The following SPINK5 variants were observed in gnomAD, a reference collection of about 807,000 sequenced individuals.
SPINK5 encodes the protein serine peptidase inhibitor Kazal type 5, also known as serine protease inhibitor Kazal-type 5.
In SPINK5, 125 loss-of-function variants were observed where a neutral mutation model predicts 151.8. That is an observed-to-expected ratio of 0.82 (90% CI 0.71 to 0.96). The LOEUF (loss-of-function observed/expected upper bound fraction) is 0.96, where lower values mean the gene tolerates loss of function less well. SPINK5 is among the 40% of genes least tolerant of loss of function. The probability of loss-of-function intolerance (pLI) is 0.00; values close to 1 mark genes in which losing one functional copy is unlikely to be tolerated. For missense variants in SPINK5, 1,194 were observed against 1,291.9 expected, an observed-to-expected ratio of 0.92 and a Z score of 1.16; for synonymous variants, 374 against 395.3, an observed-to-expected ratio of 0.95 and a Z score of 0.64.
chr5:148,073,207 C>T (rs527775243), intron 4 of SPINK5, among the ~76,000 whole-genome samples: 7 of 151,928 alleles, frequency 4.6e-5, no homozygotes, highest in African/African-American at 9.6e-5. Context: ...GGCCCCAACA[C>T]GTAATTAAAA....
chr5:148,114,718 C>T (rs1754040166), intron 21 of SPINK5, among the ~76,000 whole-genome samples: 1 of 152,174 alleles, frequency 6.6e-6, no homozygotes, highest in South Asian at 2.1e-4. Flanking sequence ...CTGGGGTAGA[C>T]CCTGCCAGTA....
intron 25 of SPINK5, 21 bp downstream of exon 25, chr5:148,120,157 G>A (rs770603036): frequency 1.9e-6 from 3 of 1,614,024 alleles, no homozygotes; most frequent in Non-Finnish European, 2.5e-6. Context: ...TTCAAAATGA[G>A]CTTTTGACTG....
chr5:148,136,712 T>C (rs754225660), intron 32 of SPINK5, among the ~76,000 whole-genome samples: 1 of 152,192 alleles, frequency 6.6e-6, no homozygotes, highest in Admixed American at 6.6e-5. Context: ...GACACCTACT[T>C]CTTTTTTATC....
At position 148,088,594 on chromosome 5, in the gene SPINK5, A is replaced by G; in HGVS notation, c.463A>G (p.Asn155Asp). Reference sequence around the variant, plus strand: ...AAGTGAAGGGGAATGTAAGAGCAGTAATCCAGAGCAGGTGAGGTCAATTGT... The same window carrying G: ...AAGTGAAGGGGAATGTAAGAGCAGTGATCCAGAGCAGGTGAGGTCAATTGT... ...VKSEGECKSS[N>D]PEQDVCSAFR... Residue 155 changes from asparagine to aspartate, a missense_variant, in exon 6 of 33, where the codon AAT becomes GAT. Transcript: ENST00000256084. The G allele has an allele frequency of 6.2e-7, 1 of 1,611,680 alleles. No individual in the cohort carries two copies. Among genetic ancestry groups the G allele is most frequent in the Non-Finnish European group, 8.5e-7 (1 of 1,178,498 alleles).
At chr5:148,096,913 TAC>T (rs1753484258) in intron 10 of SPINK5, among the ~76,000 whole-genome samples, 1 of 151,502 alleles carries the variant, frequency 6.6e-6, no homozygotes. Flanking sequence ...CATGAGCCAC[TAC>T]ACATAGCTTA....
At position 148,109,537 on chromosome 5, in the gene SPINK5, T is replaced by C. The variant is rs981952743; in HGVS notation, c.1692+700T>C. ...CATAAATATTATATGATACAAATAA[T>C]ATCATATATAATTATAATTATATGT... On this transcript the variant is annotated intron_variant, in intron 18 of 32. Transcript: ENST00000256084. Among the ~76,000 whole-genome samples the C allele has an allele frequency of 6.6e-5, 10 of 150,466 alleles. 3 individuals carry two copies. In the Admixed American group the frequency reaches 6.7e-4, roughly 10 times the overall value.
chr5:148,065,823 T>A (rs2127183291), intron 2 of SPINK5, among the ~76,000 whole-genome samples: 1 of 152,260 alleles, frequency 6.6e-6, no homozygotes, highest in Middle Eastern at 3.4e-3. Context: ...TTATTGAGCA[T>A]CTCTTAGATG....
chr5:148,084,349 G>T (rs2113041184), intron 4 of SPINK5, among the ~76,000 whole-genome samples: 1 of 151,954 alleles, frequency 6.6e-6, no homozygotes, highest in South Asian at 2.1e-4. Context: ...ACTCCAGCTT[G>T]CTGCCACTTC....
chr5:148,079,670 G>T (rs556882243), intron 4 of SPINK5, among the ~76,000 whole-genome samples: 1 of 151,252 alleles, frequency 6.6e-6, no homozygotes, highest in South Asian at 2.1e-4. Context: ...TATCTTAATA[G>T]ATGTTGAAAA....
chr5:148,124,228 C>T (rs1754370187), intron 27 of SPINK5, among the ~76,000 whole-genome samples: 1 of 152,188 alleles, frequency 6.6e-6, no homozygotes. Context: ...TGTGCAGAGC[C>T]TCAGTTCCTC....
rs1753606592 is a variant in SPINK5 at position 148,100,440 on chromosome 5, T to C, written c.1093-14T>C. 6.2e-7 allele frequency: 1 copy of C among 1,609,498 alleles called. No homozygotes were observed. Among genetic ancestry groups the C allele is most frequent in the African/African-American group, 1.3e-5 (1 of 74,934 alleles). Reference sequence around the variant, plus strand: ...ATGAAATATATGGCCAACTTACTTCTTCTATCTCGGCAGGAGCTTTGCAGT... The same window carrying C: ...ATGAAATATATGGCCAACTTACTTCCTCTATCTCGGCAGGAGCTTTGCAGT... On this transcript the variant is annotated splice_polypyrimidine_tract_variant and intron_variant, in intron 12 of 32. Transcript: ENST00000256084.
chr5:148,078,576 A>C (rs1752942253), intron 4 of SPINK5, among the ~76,000 whole-genome samples: 1 of 150,952 alleles, frequency 6.6e-6, no homozygotes, highest in African/African-American at 2.4e-5. Context: ...AAAATCATAT[A>C]TAGTATTTTT....
rs192473184 is a variant in SPINK5, at chr5:148,089,512, C to T, written c.493C>T (p.Arg165Trp). The change falls in exon 7 of 33, where the codon CGG (arginine) becomes TGG (tryptophan). Residue 165 changes from arginine to tryptophan, a missense_variant. By Grantham distance (101) the Arg-to-Trp change is moderately radical. Coordinates refer to ENST00000256084, the MANE Select transcript of SPINK5 (RefSeq NM_006846.4). ...NPEQDVCSAF[R>W]PFVRDGRLGC... is the part of the protein sequence containing the mutation. ...TCTTCAGGATGTATGCAGTGCTTTT[C>T]GGCCCTTTGTTAGAGATGGAAGACT... 95 of 1,611,754 alleles carry T rather than the reference C, an allele frequency of 5.9e-5. 1 individual carries two copies. In the East Asian group the frequency reaches 1.7e-3, roughly 29 times the overall value.
At chr5:148,094,520 G>A (rs371183200) in intron 9 of SPINK5, 39 bp downstream of exon 9, 22 of 1,611,240 alleles carry the variant, frequency 1.4e-5, no homozygotes, top group Non-Finnish European at 1.9e-5. Flanking sequence ...GATTCAAAGG[G>A]TGGGAGTGGA....
intron 22 of SPINK5, 139 bp from the exon 23 acceptor site, chr5:148,118,298 T>C: frequency 7.7e-7 from 1 of 1,294,242 alleles, no homozygotes; most frequent in South Asian, 1.2e-5. Flanking sequence ...ATTACAGGCA[T>C]GAGCCACCGT....
At chr5:148,103,908 G>A (rs1407500727) in intron 15 of SPINK5, among the ~76,000 whole-genome samples, 1 of 151,982 alleles carries the variant, frequency 6.6e-6, no homozygotes, top group African/African-American at 2.4e-5. Context: ...TGAACTATTT[G>A]TGTTATATAT....
In SPINK5 at chr5:148,124,762, C is replaced by T. The variant is rs778348958; in HGVS notation, c.2667-3C>T. The T allele has an allele frequency of 4.4e-6, 7 of 1,588,878 alleles. No individual in the cohort carries two copies. Among genetic ancestry groups the T allele is most frequent in the Non-Finnish European group, 6.0e-6 (7 of 1,166,708 alleles). On this transcript the variant is annotated splice_region_variant and splice_polypyrimidine_tract_variant and intron_variant, in intron 27 of 32. Coordinates refer to ENST00000256084, the MANE Select transcript of SPINK5 (RefSeq NM_006846.4). ...CCTATCTTTTTTTTTAATTATTCTGCAGTGATCGAGAAGCTAATGAAAGAA... is the reference window on the plus strand; with the variant it reads ...CCTATCTTTTTTTTTAATTATTCTGTAGTGATCGAGAAGCTAATGAAAGAA...
At chr5:148,110,989 AAT>A (rs1753910837) in intron 18 of SPINK5, among the ~76,000 whole-genome samples, 1 of 152,052 alleles carries the variant, frequency 6.6e-6, no homozygotes, top group Non-Finnish European at 1.5e-5. Flanking sequence ...AATAAAATAA[AAT>A]AAAAAACAAT....
At chr5:148,112,725 G>C in intron 19 of SPINK5, 143 bp from the exon 20 acceptor site, 6 of 1,310,370 alleles carry the variant, frequency 4.6e-6, no homozygotes, top group Non-Finnish European at 5.3e-6. Context: ...GATGTAGAGA[G>C]ATGTGTGTTT....
Sources: allele counts gnomAD v4.1 joint callset (sites outside exome capture counted in the v4.1 genomes callset), GRCh38; gene constraint gnomAD v4.1.1; transcripts MANE v1.5; gene names NCBI Gene and HGNC (gene_info 2026-07-23, HGNC 2026-07-21).